EEF2KMT: variants seen among roughly 807,000 people sequenced by gnomAD.
The protein encoded by EEF2KMT is protein-lysine N-methyltransferase EEF2KMT.
A neutral mutation model predicts 35.1 loss-of-function variants in EEF2KMT; 30 were observed. The ratio of observed to expected loss-of-function variants is 0.85; its 90% CI spans 0.64 to 1.16. The LOEUF (loss-of-function observed/expected upper bound fraction) is 1.16. Ranked by LOEUF, EEF2KMT falls within the 50% of genes most tolerant of loss-of-function variation. The probability of loss-of-function intolerance (pLI) is 0.00; values close to 1 mark genes in which losing one functional copy is unlikely to be tolerated. For synonymous variants in EEF2KMT, 190 were observed against 187.7 expected, an observed-to-expected ratio of 1.01 and a Z score of -0.10; for missense variants, 499 against 438.2, an observed-to-expected ratio of 1.14 and a Z score of -1.24.
intron 1 of EEF2KMT, among the ~76,000 whole-genome samples, 182 bp from the exon 2 acceptor site, chr16:5,095,696 C>T (rs538542752): frequency 6.6e-6 from 1 of 152,232 alleles, no homozygotes; most frequent in East Asian, 1.9e-4. Context: ...CTGGATGAGT[C>T]ACAGGAAGAA....
chr16:5,086,817 C>G (rs1332829901), intron 7 of EEF2KMT: 1 of 152,188 alleles, frequency 6.6e-6, no homozygotes, highest in Non-Finnish European at 1.5e-5. Context: ...TAGGCGTGCA[C>G]CACCACGCCT....
In EEF2KMT at chr16:5,097,658, A is replaced by G; in HGVS notation, c.82T>C (p.Ser28Pro). The G allele has an allele frequency of 1.3e-6, 2 of 1,573,394 alleles. No homozygotes were observed. Among genetic ancestry groups the G allele is most frequent in the Non-Finnish European group, 8.6e-7 (1 of 1,165,838 alleles). The change falls in exon 1 of 8, where the codon TCC becomes CCC. Residue 28 changes from serine to proline, a missense_variant. By Grantham distance (74) the Ser-to-Pro change is moderately conservative. Coordinates refer to ENST00000427587, the MANE Select transcript of EEF2KMT (RefSeq NM_201400.4). ...CCGCCGCCCACCTGCCAGGGGAAGG[A>G]GCGCAGTGTGCGTGCCGCCAGGAAG... ...RRFLAARTLR[S>P]FPWQSLEAKL...
chr16:5,093,644 G>A (rs1264518686), intron 2 of EEF2KMT, 80 bp from the exon 3 acceptor site: 3 of 1,600,650 alleles, frequency 1.9e-6, no homozygotes, highest in African/African-American at 1.3e-5. Context: ...ACAGCAGAGG[G>A]CAAACTCCAG....
In EEF2KMT at chr16:5,085,481, T is replaced by G. The variant is rs576528783; in HGVS notation, c.*151A>C. On this transcript the variant is annotated 3_prime_UTR_variant, in exon 8 of 8. Transcript: ENST00000427587. ...CCCACACGCTTAGATAGCCGATGTC[T>G]TATTAGAGGGCAGTTTGTGGTTCCT... The G allele has an allele frequency of 1.1e-5, 8 of 697,406 alleles. No homozygotes were observed. Among genetic ancestry groups the G allele is most frequent in the African/African-American group, 8.7e-5 (5 of 57,326 alleles). 43.2% of individuals were successfully genotyped at this position (697,406 alleles called of 1,614,324 possible).
In EEF2KMT at chr16:5,090,157, C is replaced by A; in HGVS notation, c.669G>T (p.Val223=). 6.8e-6 allele frequency: 11 copies of A among 1,611,406 alleles called. No homozygotes were observed. Among genetic ancestry groups the A allele is most frequent in the Non-Finnish European group, 8.5e-6 (10 of 1,179,856 alleles). Reference sequence around the variant, plus strand: ...TCGCGACGTCCCAGTCCAGCTGGGCCACTGTCACCCTGGGGCTGTCTAACT... The same window carrying A: ...TCGCGACGTCCCAGTCCAGCTGGGCAACTGTCACCCTGGGGCTGTCTAACT... The part of the protein sequence containing the change: ...TAKLDSPRVT[V]AQLDWDVATV... The change falls in exon 6 of 8, where the codon GTG becomes GTT. Residue 223 remains valine, a synonymous_variant. Transcript: ENST00000427587. This position sits in a 1 kb window ranked among gnomAD's most constrained non-coding sequence, Gnocchi z 4.1.
rs1267814037 is a variant in EEF2KMT at position 5,097,669 on chromosome 16, C to T, written c.71G>A (p.Arg24His). ...CTGCCAGGGGAAGGAGCGCAGTGTGCGTGCCGCCAGGAAGCGGCGCTCGAA... is the reference window on the plus strand; with the variant it reads ...CTGCCAGGGGAAGGAGCGCAGTGTGTGTGCCGCCAGGAAGCGGCGCTCGAA... ...QSFERRFLAA[R>H]TLRSFPWQSL... Residue 24 changes from arginine to histidine, a missense_variant, in exon 1 of 8, where the codon CGC becomes CAC. By Grantham distance (29) the Arg-to-His change is conservative. Coordinates refer to ENST00000427587, the MANE Select transcript of EEF2KMT (RefSeq NM_201400.4). 5 of 1,576,896 alleles carry T rather than the reference C, an allele frequency of 3.2e-6. No individual in the cohort carries two copies. Among genetic ancestry groups the T allele is most frequent in the East Asian group, 2.3e-5 (1 of 43,440 alleles).
intron 2 of EEF2KMT, 167 bp downstream of exon 2, chr16:5,095,285 G>A (rs1219700893): frequency 2.7e-5 from 25 of 925,802 alleles, no homozygotes; most frequent in Non-Finnish European, 8.3e-6. Context: ...GAAAGCGCTG[G>A]AGCTGTCAGA....
chr16:5,093,082 C>G (rs1957375472), intron 3 of EEF2KMT, among the ~76,000 whole-genome samples: 1 of 152,226 alleles, frequency 6.6e-6, no homozygotes, highest in Admixed American at 6.5e-5. Context: ...ATGGCAAGAG[C>G]TAAATCTTCC....
intron 6 of EEF2KMT, 97 bp from the exon 7 acceptor site, chr16:5,089,353 T>G: frequency 6.6e-7 from 1 of 1,512,506 alleles, no homozygotes; most frequent in South Asian, 1.2e-5. Flanking sequence ...GCAGCGGTCA[T>G]ATGAGACTAG....
At chr16:5,089,938 G>T (rs1335387009) in intron 6 of EEF2KMT, 146 bp downstream of exon 6, 10 of 1,426,604 alleles carry the variant, frequency 7.0e-6, no homozygotes, top group Admixed American at 6.4e-5. Context: ...GTCCTGTGAT[G>T]TCACCCTGGA....
Position 5,090,603 on chromosome 16 carries a change from C to G in EEF2KMT, c.343-38G>C, listed in dbSNP as rs757695499. ...AAGGCGAGAGAGTCAGTCCAGCGAT[C>G]AGAAGGCAAGTGGCTTAGAAGACAA... On this transcript the variant is annotated intron_variant, in intron 4 of 7. Coordinates refer to ENST00000427587, the MANE Select transcript of EEF2KMT (RefSeq NM_201400.4). The surrounding 1 kb of genome is among the most constrained non-coding windows in gnomAD (Gnocchi z 4.1). 5.6e-6 allele frequency: 9 copies of G among 1,611,296 alleles called. No individual in the cohort carries two copies. The highest frequency in any genetic ancestry group is 5.9e-6 in the Non-Finnish European group (7 of 1,179,496).
At chr16:5,091,112 G>C (rs917975328) in intron 4 of EEF2KMT, among the ~76,000 whole-genome samples, 1 of 151,842 alleles carries the variant, frequency 6.6e-6, no homozygotes, top group African/African-American at 2.4e-5. Flanking sequence ...ACAGAGATTT[G>C]CTCTCGTTGC....
intron 2 of EEF2KMT, among the ~76,000 whole-genome samples, chr16:5,094,987 C>T (rs1054177880): frequency 7.2e-5 from 11 of 152,280 alleles, no homozygotes; most frequent in African/African-American, 2.4e-4. Flanking sequence ...GTGGCTGGGC[C>T]GGGTGGTGAT....
intron 1 of EEF2KMT, chr16:5,097,392 A>C (rs1308819010): frequency 4.1e-6 from 6 of 1,471,814 alleles, no homozygotes; most frequent in Non-Finnish European, 4.5e-6. Context: ...ACTGTACCCC[A>C]CACCGAGCGC....
At chr16:5,088,996 G>A (rs565096065) in intron 7 of EEF2KMT, 111 bp downstream of exon 7, 1,300 of 1,595,362 alleles carry the variant, frequency 8.1e-4, no homozygotes, top group Non-Finnish European at 1.0e-3. Context: ...CCATGGTGTG[G>A]GAGTGTGGGG....
chr16:5,095,364 T>C (rs777864262), intron 2 of EEF2KMT, 88 bp downstream of exon 2: 1 of 1,601,646 alleles, frequency 6.2e-7, no homozygotes, highest in South Asian at 1.1e-5. Context: ...TTTTAAAGGG[T>C]ACAAGCACAC....
At position 5,089,114 on chromosome 16, in the gene EEF2KMT, G is replaced by A. The variant is rs571922863; in HGVS notation, c.885C>T (p.Thr295=). 26 of 1,612,774 alleles carry A rather than the reference G, an allele frequency of 1.6e-5. No individual in the cohort carries two copies. The highest frequency in any genetic ancestry group is 1.3e-4 in the South Asian group (12 of 91,034). Residue 295 remains threonine, a synonymous_variant, in exon 7 of 8, where the codon ACC becomes ACT. Transcript: ENST00000427587. The part of the protein sequence containing the change: ...RNPETCQLFT[T]ELGRAGIRWE... ...GTGGGCGTGGAGGCTCACCTAGCTC[G>A]GTGGTGAACAGCTGGCACGTCTCTG...
At chr16:5,089,511 G>T in intron 6 of EEF2KMT, 1 of 585,702 alleles carries the variant, frequency 1.7e-6, no homozygotes, top group Admixed American at 3.1e-5. Context: ...AACCAGCTCT[G>T]GTTCTTGGCC....
chr16:5,085,138 C>T lies in EEF2KMT; in HGVS notation c.*494G>A. On this transcript the variant is annotated 3_prime_UTR_variant, in exon 8 of 8. Transcript: ENST00000427587. The stretch of plus-strand genomic sequence containing the variant: ...GCCCCATGCCCCTGCTAGCGTATTA[C>T]TGTTCTGTGACTTCCCTGTGACCTC... The T allele has an allele frequency of 3.1e-6, 2 of 653,086 alleles. No homozygotes were observed. Among genetic ancestry groups the T allele is most frequent in the South Asian group, 2.0e-5 (1 of 51,148 alleles). The allele number at this position is 653,086 out of a possible 1,614,324, so 40.5% of individuals were successfully genotyped here.
Sources: gnomAD v4.1 joint callset for allele counts (sites outside exome capture counted in the v4.1 genomes callset) on GRCh38, gnomAD v4.1.1 for gene constraint, Gnocchi (gnomAD v3.1) non-coding constraint, MANE v1.5 for transcripts, NCBI Gene and HGNC (gene_info 2026-07-23, HGNC 2026-07-21) for gene names.